The following LMF1 variants were observed in gnomAD, a reference collection of about 807,000 sequenced individuals.
LMF1 encodes the protein lipase maturation factor 1.
A neutral mutation model predicts 60.6 loss-of-function variants in LMF1; 68 were observed. The observed-to-expected ratio is 1.12, with a 90% confidence interval of 0.92 to 1.37. The LOEUF is 1.37. Ranked by LOEUF, LMF1 falls within the 40% of genes most tolerant of loss-of-function variation. The pLI is 0.00. For missense variants in LMF1, 948 were observed against 767.2 expected, an observed-to-expected ratio of 1.24 and a Z score of -2.78; for synonymous variants, 418 against 324.7, an observed-to-expected ratio of 1.29 and a Z score of -3.09.
intron 4 of LMF1, among the ~76,000 whole-genome samples, chr16:908,505 C>T (rs560663905): frequency 5.1e-4 from 77 of 152,336 alleles, no homozygotes; most frequent in Non-Finnish European, 6.2e-4. Context: ...CACACCCGAC[C>T]AGGCAAGGAG....
At chr16:940,680 G>A (rs1031930490) in intron 2 of LMF1, among the ~76,000 whole-genome samples, 5 of 152,226 alleles carry the variant, frequency 3.3e-5, no homozygotes, top group Non-Finnish European at 7.3e-5. Flanking sequence ...ATGAGTGGGA[G>A]ACGCAGTCTC....
At chr16:910,479 C>T (rs1291548195) in intron 4 of LMF1, among the ~76,000 whole-genome samples, 2 of 152,228 alleles carry the variant, frequency 1.3e-5, no homozygotes, top group African/African-American at 4.8e-5. Flanking sequence ...CCCTGAGCGT[C>T]AGGACGGCGG....
chr16:914,635 CA>C (rs2071224530), intron 3 of LMF1, among the ~76,000 whole-genome samples: 1 of 152,152 alleles, frequency 6.6e-6, no homozygotes. Context: ...ATTGGTGACA[CA>C]CTCCCTCCCT....
chr16:876,242 G>T (rs2069969918), intron 6 of LMF1, among the ~76,000 whole-genome samples: 1 of 152,270 alleles, frequency 6.6e-6, no homozygotes, highest in Admixed American at 6.5e-5. Flanking sequence ...CGCGGCCGCG[G>T]AGGGCAGGAA....
intron 6 of LMF1, chr16:873,903 G>A (rs746981418): frequency 6.6e-6 from 1 of 152,384 alleles, no homozygotes; most frequent in Non-Finnish European, 1.5e-5. Flanking sequence ...CACGTGCCCC[G>A]AAAGGGACAG....
intron 2 of LMF1, among the ~76,000 whole-genome samples, chr16:937,794 G>T (rs1000940982): frequency 2.6e-5 from 4 of 152,238 alleles, no homozygotes; most frequent in African/African-American, 4.8e-5. Flanking sequence ...AAATTTGTAA[G>T]AAATCTTCCA....
intron 3 of LMF1, among the ~76,000 whole-genome samples, chr16:913,418 C>T (rs950272787): frequency 6.6e-6 from 1 of 152,274 alleles, no homozygotes; most frequent in Admixed American, 6.5e-5. Flanking sequence ...CAGGGAGATG[C>T]TCCTGAGCCC....
Position 874,310 on chromosome 16 carries a change from C to T in LMF1, c.898-2969G>A, listed in dbSNP as rs1041492406. Among the ~76,000 whole-genome samples, 4 of 133,184 alleles carry T rather than the reference C, an allele frequency of 3.0e-5. No homozygotes were observed. The highest frequency in any genetic ancestry group is 8.2e-5 in the African/African-American group (3 of 36,482). The allele number at this position is 133,184 out of a possible 152,430, so 87.4% of individuals were successfully genotyped here. On this transcript the variant is annotated intron_variant, in intron 6 of 10. Transcript: ENST00000262301. This position sits in a 1 kb window ranked among gnomAD's most constrained non-coding sequence, Gnocchi z 4.1. ...CCTCCGGGCCTCTGTCTTGAGCGGG[C>T]GTGGGGTGCAGCCACCACAGGGCAA...
chr16:976,199 C>T (rs937792353), intron 1 of LMF1: 6 of 450,332 alleles, frequency 1.3e-5, no homozygotes, highest in African/African-American at 1.0e-4. Context: ...CACGGATGGG[C>T]TGGGGGCTGG....
intron 6 of LMF1, 87 bp from the exon 7 acceptor site, chr16:871,428 G>T (rs375993763): frequency 3.7e-6 from 5 of 1,367,758 alleles, no homozygotes; most frequent in African/African-American, 2.9e-5. Flanking sequence ...AGCAGGGAGG[G>T]GGGAGGGAAC....
intron 10 of LMF1, chr16:855,177 G>T (rs974614351): frequency 1.6e-5 from 4 of 242,568 alleles, no homozygotes; most frequent in Non-Finnish European, 3.3e-5. Flanking sequence ...CGGTCCACGG[G>T]GCAGTCCGAG....
At chr16:931,932 C>A (rs1374448890) in intron 3 of LMF1, 4 of 696,472 alleles carry the variant, frequency 5.7e-6, no homozygotes, top group African/African-American at 1.9e-5. Context: ...GAATGTATGA[C>A]GCTCACCTGA....
chr16:917,946 G>A (rs1337548576), intron 3 of LMF1, among the ~76,000 whole-genome samples: 5 of 152,192 alleles, frequency 3.3e-5, no homozygotes, highest in Admixed American at 2.0e-4. Flanking sequence ...CATGTCTCAC[G>A]TCCTGAGGAC....
intron 1 of LMF1, among the ~76,000 whole-genome samples, chr16:960,386 G>T (rs74574643): frequency 0.058 from 3,582 of 61,838 alleles, 231 homozygotes; most frequent in African/African-American, 0.19. Context: ...GTGACAGCAC[G>T]GGATCACGAC....
chr16:856,634 A>C (rs144646849), intron 10 of LMF1, among the ~76,000 whole-genome samples: 135 of 152,292 alleles, frequency 8.9e-4, no homozygotes, highest in African/African-American at 3.2e-3. Flanking sequence ...TGACATCAAG[A>C]GCTGGAACTG....
intron 10 of LMF1, among the ~76,000 whole-genome samples, chr16:866,059 A>C (rs2069601013): frequency 6.6e-6 from 1 of 152,342 alleles, no homozygotes; most frequent in East Asian, 1.9e-4. Context: ...CGACGGCTGC[A>C]TTCACATCTC....
chr16:860,233 CTTTTAA>C (rs1054377594), intron 10 of LMF1, among the ~76,000 whole-genome samples: 3 of 152,008 alleles, frequency 2.0e-5, no homozygotes, highest in African/African-American at 7.3e-5. Flanking sequence ...GGAGCAAATG[CTTTTAA>C]TTTTAATGAA....
chr16:976,751 C>T (rs979634827), intron 1 of LMF1: 25 of 454,020 alleles, frequency 5.5e-5, no homozygotes, highest in African/African-American at 2.6e-4. Context: ...CAGCTGTTCC[C>T]GACACATCCG....
At chr16:871,059 C>G in intron 7 of LMF1, 102 bp downstream of exon 7, 1 of 1,415,216 alleles carries the variant, frequency 7.1e-7, no homozygotes, top group South Asian at 1.4e-5. Flanking sequence ...CGCTGACTCT[C>G]CTCCTACCCT....
Sources: allele counts gnomAD v4.1 joint callset (sites outside exome capture counted in the v4.1 genomes callset), GRCh38; gene constraint gnomAD v4.1.1; non-coding constraint Gnocchi (gnomAD v3.1); transcripts MANE v1.5; gene names NCBI Gene and HGNC (gene_info 2026-07-23, HGNC 2026-07-21).